The following DEUP1 variants were observed in gnomAD, a reference collection of about 807,000 sequenced individuals.
DEUP1 encodes deuterosome assembly protein 1.
In DEUP1, 82 loss-of-function variants were observed where a neutral mutation model predicts 87.4. That is an observed-to-expected ratio of 0.94 (90% CI 0.78 to 1.13). The LOEUF is 1.13. DEUP1 is among the 50% of genes most tolerant of loss of function. The pLI is 0.00. For synonymous variants in DEUP1, 214 were observed against 222.7 expected (o/e 0.96, Z 0.35); for missense variants, 663 against 681.5 (o/e 0.97, Z 0.30).
At chr11:93,366,098 AG>A (rs1357669659) in intron 5 of DEUP1, among the ~76,000 whole-genome samples, 1 of 152,188 alleles carries the variant, frequency 6.6e-6, no homozygotes, top group African/African-American at 2.4e-5. Flanking sequence ...AAAAAAATTT[AG>A]ATGCACACTG....
At chr11:93,416,391 A>C (rs1220991075) in intron 13 of DEUP1, among the ~76,000 whole-genome samples, 1 of 152,250 alleles carries the variant, frequency 6.6e-6, no homozygotes, top group Non-Finnish European at 1.5e-5. Flanking sequence ...CCATCAGAGA[A>C]TACTACAAAC....
chr11:93,394,734 A>G, intron 10 of DEUP1, 78 bp downstream of exon 10: 1 of 904,876 alleles, frequency 1.1e-6, no homozygotes, highest in Non-Finnish European at 1.6e-6. Context: ...TTATTGACTA[A>G]TGAAAACATT....
intron 12 of DEUP1, among the ~76,000 whole-genome samples, chr11:93,411,753 A>T (rs1414917434): frequency 6.6e-6 from 1 of 152,226 alleles, no homozygotes; most frequent in African/African-American, 2.4e-5. Context: ...TTATCTCTAT[A>T]TAAGACACAT....
At chr11:93,336,179 A>C (rs1451841328) in intron 2 of DEUP1, among the ~76,000 whole-genome samples, 1 of 152,180 alleles carries the variant, frequency 6.6e-6, no homozygotes, top group African/African-American at 2.4e-5. Flanking sequence ...ACCTCAGGAA[A>C]CTTACAATCA....
At chr11:93,349,750 G>A (rs1944536739) in intron 2 of DEUP1, among the ~76,000 whole-genome samples, 1 of 151,878 alleles carries the variant, frequency 6.6e-6, no homozygotes, top group South Asian at 2.1e-4. Context: ...AAATCTCTAG[G>A]AGCAATAGAA....
At chr11:93,349,580 A>G (rs1431013920) in intron 2 of DEUP1, among the ~76,000 whole-genome samples, 4 of 88,248 alleles carry the variant, frequency 4.5e-5, no homozygotes, top group African/African-American at 1.2e-4. Context: ...CAAGGATGAA[A>G]TTGACAAAAA....
At chr11:93,410,634 A>G (rs1947408666) in intron 12 of DEUP1, among the ~76,000 whole-genome samples, 1 of 152,162 alleles carries the variant, frequency 6.6e-6, no homozygotes, top group African/African-American at 2.4e-5. Context: ...ACAGAACACT[A>G]TTTCCTGTTC....
chr11:93,374,869 G>A (rs915111723), intron 7 of DEUP1, among the ~76,000 whole-genome samples: 2 of 152,132 alleles, frequency 1.3e-5, no homozygotes, highest in African/African-American at 2.4e-5. Flanking sequence ...GATTTTGGGA[G>A]TATGGTCATT....
chr11:93,435,252 C>A (rs564930678), intron 13 of DEUP1, among the ~76,000 whole-genome samples: 168 of 152,078 alleles, frequency 1.1e-3, no homozygotes, highest in African/African-American at 3.7e-3. Flanking sequence ...AGGGATGATG[C>A]CATATCAAGA....
At chr11:93,349,536 G>A (rs972583807) in intron 2 of DEUP1, among the ~76,000 whole-genome samples, 1 of 151,902 alleles carries the variant, frequency 6.6e-6, no homozygotes, top group East Asian at 1.9e-4. Context: ...GACCATACCT[G>A]TGGTATTATC....
At chr11:93,397,993 G>T (rs1946990797) in intron 11 of DEUP1, among the ~76,000 whole-genome samples, 1 of 151,880 alleles carries the variant, frequency 6.6e-6, no homozygotes, top group Admixed American at 6.6e-5. Flanking sequence ...GTTGCTGCTT[G>T]CTTTACTCCT....
At position 93,420,094 on chromosome 11, in the gene DEUP1, T is replaced by G. The variant is rs1017973477; in HGVS notation, c.1638+4980T>G. On this transcript the variant is annotated intron_variant, in intron 13 of 13. Transcript: ENST00000298050. ...CCAGCATCATCCTGATACCAAAGCC[T>G]GGCAGAGACACAACCAAATAAGAGA... Among the ~76,000 whole-genome samples the G allele has an allele frequency of 1.1e-4, 17 of 152,256 alleles. No individual in the cohort carries two copies. The East Asian group carries it at 3.3e-3, about 29-fold the overall frequency.
chr11:93,356,256 C>G (rs1385143969), intron 3 of DEUP1, among the ~76,000 whole-genome samples: 1 of 145,948 alleles, frequency 6.9e-6, no homozygotes, highest in Non-Finnish European at 1.5e-5. Context: ...ATTTTTCTAC[C>G]TTTATTGACT....
chr11:93,411,367 A>C (rs1184224777), intron 12 of DEUP1: 3 of 152,220 alleles, frequency 2.0e-5, no homozygotes, highest in Non-Finnish European at 2.9e-5. Flanking sequence ...TGTTCCACAA[A>C]ATGTTAAGAT....
intron 1 of DEUP1, among the ~76,000 whole-genome samples, chr11:93,331,833 T>G (rs1943501187): frequency 6.6e-6 from 1 of 152,006 alleles, no homozygotes; most frequent in African/African-American, 2.4e-5. Flanking sequence ...GATCACGAGG[T>G]CAGGAGTTCG....
At chr11:93,434,365 G>T (rs1038033669) in intron 13 of DEUP1, among the ~76,000 whole-genome samples, 1 of 152,128 alleles carries the variant, frequency 6.6e-6, no homozygotes, top group East Asian at 1.9e-4. Context: ...AGCCCCTAAT[G>T]TCCATGCCCT....
chr11:93,437,877 T>C lies in DEUP1; in HGVS notation c.*158T>C. Reference sequence around the variant, plus strand: ...GGCAGCTAGAAAATAGTAAGTATTTTGTTCTATAAAGCTGTTCACATTTCT... The same window carrying C: ...GGCAGCTAGAAAATAGTAAGTATTTCGTTCTATAAAGCTGTTCACATTTCT... On this transcript the variant is annotated 3_prime_UTR_variant, in exon 14 of 14. Transcript: ENST00000298050. The C allele has an allele frequency of 3.5e-6, 2 of 564,026 alleles. No homozygotes were observed. The highest frequency in any genetic ancestry group is 3.2e-6 in the Non-Finnish European group (1 of 313,348). 34.9% of individuals were successfully genotyped at this position (564,026 alleles called of 1,614,324 possible). A position where few individuals can be genotyped will look rare whatever the true frequency, so the allele number is the denominator to read the frequency against.
intron 4 of DEUP1, among the ~76,000 whole-genome samples, chr11:93,363,160 C>T (rs777550500): frequency 2.0e-5 from 3 of 151,840 alleles, no homozygotes; most frequent in African/African-American, 7.2e-5. Context: ...CTTTTTATAA[C>T]ATTCTCAAAA....
chr11:93,377,213 T>C (rs1946080137), intron 7 of DEUP1, among the ~76,000 whole-genome samples: 1 of 152,204 alleles, frequency 6.6e-6, no homozygotes, highest in South Asian at 2.1e-4. Flanking sequence ...CAGTGGAGTA[T>C]TGAAGTCCCC....
Sources: allele counts gnomAD v4.1 joint callset (sites outside exome capture counted in the v4.1 genomes callset), GRCh38; gene constraint gnomAD v4.1.1; transcripts MANE v1.5; gene names NCBI Gene and HGNC (gene_info 2026-07-23, HGNC 2026-07-21).